The following CUX1 variants were observed in gnomAD, a reference collection of about 807,000 sequenced individuals.
The protein encoded by CUX1 is protein CASP.
In CUX1, 31 loss-of-function variants were observed where a neutral mutation model predicts 158.8. The observed-to-expected ratio is 0.20, with a 90% CI of 0.15 to 0.26. The LOEUF is 0.26. CUX1 is among the 10% of genes least tolerant of loss of function. The pLI, the probability that CUX1 is intolerant of heterozygous loss-of-function variation, is 1.00. For missense variants in CUX1, 1,589 were observed against 2,014.6 expected (o/e 0.79, Z 4.04); for synonymous variants, 879 against 862.1 (o/e 1.02, Z -0.34).
Position 102,158,599 on chromosome 7 carries a change from G to A in CUX1, c.714G>A (p.Arg238=), listed in dbSNP as rs782026179. ...AAATGATCATGACGGACCTTGAAAG[G>A]GCAAACCAGGTAGGACCCTGGACGC... is the stretch of plus-strand genomic sequence containing the variant. ...EIEMIMTDLE[R]ANQRAEVAQR... is the part of the protein sequence containing the mutation. The change falls in exon 9 of 24, where the codon AGG becomes AGA. Residue 238 remains arginine, a synonymous_variant. Coordinates refer to ENST00000292535, the MANE Select transcript of CUX1 (RefSeq NM_181552.4). 8 of 1,613,806 alleles carry A rather than the reference G, an allele frequency of 5.0e-6. No individual in the cohort carries two copies. Among genetic ancestry groups the A allele is most frequent in the East Asian group, 2.2e-5 (1 of 44,872 alleles).
At position 102,255,624 on chromosome 7, in the gene CUX1, C is replaced by T. The variant is rs1554541762; in HGVS notation, c.*6582C>T. ...AATATGCTATATGCTATGTATCAAGCTTTCTGTAATCAGAAAGAAAAGGTG... is the reference window on the plus strand; with the variant it reads ...AATATGCTATATGCTATGTATCAAGTTTTCTGTAATCAGAAAGAAAAGGTG... On this transcript the variant is annotated 3_prime_UTR_variant, in exon 24 of 24. Coordinates refer to ENST00000292535, the MANE Select transcript of CUX1 (RefSeq NM_181552.4). 1 of 985,206 alleles carries T rather than the reference C, an allele frequency of 1.0e-6. No homozygotes were observed. The highest frequency in any genetic ancestry group is 1.2e-6 in the Non-Finnish European group (1 of 829,914). The allele number at this position is 985,206 out of a possible 1,614,324, so 61.0% of individuals were successfully genotyped here. A position where few individuals can be genotyped will look rare whatever the true frequency, so the allele number is the denominator to read the frequency against.
intron 1 of CUX1, among the ~76,000 whole-genome samples, chr7:101,878,520 G>A (rs545422287): frequency 2.6e-5 from 4 of 152,282 alleles, no homozygotes; most frequent in African/African-American, 7.2e-5. Context: ...TTACTGCGTC[G>A]CTGCTGGGGT....
intron 1 of CUX1, among the ~76,000 whole-genome samples, chr7:101,872,259 G>A (rs951422885): frequency 5.3e-5 from 8 of 151,890 alleles, no homozygotes; most frequent in East Asian, 3.9e-4. Context: ...GCAGTCTCCC[G>A]AGTAGCTGGG....
intron 1 of CUX1, among the ~76,000 whole-genome samples, chr7:101,893,752 C>A (rs1801166932): frequency 6.6e-6 from 1 of 152,162 alleles, no homozygotes; most frequent in African/African-American, 2.4e-5. Flanking sequence ...ATTGTCAGCA[C>A]TATGTAAATG....
chr7:102,237,196 G>T (rs1799662191), intron 22 of CUX1, among the ~76,000 whole-genome samples: 1 of 152,176 alleles, frequency 6.6e-6, no homozygotes, highest in South Asian at 2.1e-4. Context: ...TGACAAAATG[G>T]CAAGTTAATT....
rs111285206 is a variant in CUX1 at position 101,894,840 on chromosome 7, G to A, written c.31-21275G>A. 2.8e-3 allele frequency among the ~76,000 whole-genome samples: 426 copies of A among 152,148 alleles called. 4 individuals carry two copies. Among genetic ancestry groups the A allele is most frequent in the African/African-American group, 9.9e-3 (411 of 41,492 alleles). ...CTGAAAGATGTTTCTCAAAGTGAGC[G>A]CTGGAGAGGAGTACCTGGTTTGATT... On this transcript the variant is annotated intron_variant, in intron 1 of 23. Transcript: ENST00000292535.
chr7:102,042,033 T>A (rs1178268700), intron 3 of CUX1, among the ~76,000 whole-genome samples: 1 of 150,250 alleles, frequency 6.7e-6, no homozygotes, highest in Non-Finnish European at 1.5e-5. Context: ...GATGTGTGTG[T>A]GAGTGTGAGT....
At chr7:101,982,119 C>T (rs1813524434) in intron 2 of CUX1, among the ~76,000 whole-genome samples, 1 of 152,224 alleles carries the variant, frequency 6.6e-6, no homozygotes, top group Non-Finnish European at 1.5e-5. Flanking sequence ...TTTCCCTCTA[C>T]CTGCATTGCA....
chr7:102,045,453 T>C (rs1822645273), intron 3 of CUX1, among the ~76,000 whole-genome samples: 1 of 152,238 alleles, frequency 6.6e-6, no homozygotes, highest in Admixed American at 6.5e-5. Context: ...CCCCCTCCGA[T>C]GTGGGCTGGA....
intron 22 of CUX1, among the ~76,000 whole-genome samples, chr7:102,237,650 A>AGG (rs1268840840): frequency 1.3e-5 from 2 of 152,184 alleles, no homozygotes; most frequent in African/African-American, 4.8e-5. Flanking sequence ...CCCCAGGTGT[A>AGG]GGGACCAGCC....
At chr7:102,048,061 G>A (rs1216935883) in intron 3 of CUX1, among the ~76,000 whole-genome samples, 11 of 152,012 alleles carry the variant, frequency 7.2e-5, no homozygotes, top group East Asian at 3.9e-4. Context: ...AGCATTTTAC[G>A]TCTACAAAGC....
At chr7:101,876,810 A>G (rs964622018) in intron 1 of CUX1, among the ~76,000 whole-genome samples, 5 of 152,164 alleles carry the variant, frequency 3.3e-5, no homozygotes, top group African/African-American at 9.7e-5. Flanking sequence ...ATGATTTCTC[A>G]TATTTCATCA....
intron 18 of CUX1, 85 bp from the exon 19 acceptor site, chr7:102,204,306 C>A (rs1795736062): frequency 1.3e-6 from 2 of 1,540,960 alleles, no homozygotes; most frequent in Non-Finnish European, 1.8e-6. Flanking sequence ...GCGCCCTCTG[C>A]GTGGTGGGTG....
intron 1 of CUX1, among the ~76,000 whole-genome samples, chr7:101,900,644 G>A (rs1231316757): frequency 2.0e-5 from 3 of 152,132 alleles, no homozygotes; most frequent in Non-Finnish European, 4.4e-5. Context: ...TAAAATCCAG[G>A]CAGAAACATT....
rs1000824917 is a variant in CUX1, at chr7:102,131,009, C to A, written c.674+15736C>A. 2.0e-5 allele frequency among the ~76,000 whole-genome samples: 3 copies of A among 149,254 alleles called. No individual in the cohort carries two copies. In the South Asian group the frequency reaches 6.6e-4, roughly 33 times the overall value. ...ACTGAAAATACGAAAATTAGCCGGG[C>A]GTGGTGGTACACGCCTGTAGTCCCA... On this transcript the variant is annotated intron_variant, in intron 8 of 23. Transcript: ENST00000292535.
chr7:102,256,308 C>G lies in CUX1; in HGVS notation c.*7266C>G. On this transcript the variant is annotated 3_prime_UTR_variant, in exon 24 of 24. Transcript: ENST00000292535. ...TGAGGGTGATTATAAAAGGATGTTT[C>G]CTTGAGAAAAAAAAAATTATTTCTA... 2 of 985,142 alleles carry G rather than the reference C, an allele frequency of 2.0e-6. No individual in the cohort carries two copies. Among genetic ancestry groups the G allele is most frequent in the Non-Finnish European group, 2.4e-6 (2 of 829,840 alleles). 61.0% of individuals were successfully genotyped at this position (985,142 alleles called of 1,614,324 possible). A position where few individuals can be genotyped will look rare whatever the true frequency, so the allele number is the denominator to read the frequency against.
intron 2 of CUX1, among the ~76,000 whole-genome samples, chr7:101,936,321 C>T (rs892907966): frequency 6.6e-5 from 10 of 152,018 alleles, no homozygotes; most frequent in Non-Finnish European, 1.3e-4. Flanking sequence ...CAAGGGGGAG[C>T]CCCAAGCTTG....
At chr7:101,964,862 C>T (rs1311963803) in intron 2 of CUX1, among the ~76,000 whole-genome samples, 1 of 152,192 alleles carries the variant, frequency 6.6e-6, no homozygotes, top group East Asian at 1.9e-4. Flanking sequence ...CAATGAAATA[C>T]GAGGGCTTGT....
intron 2 of CUX1, among the ~76,000 whole-genome samples, chr7:102,026,410 T>G (rs527614037): frequency 6.6e-6 from 1 of 152,330 alleles, no homozygotes; most frequent in East Asian, 1.9e-4. Flanking sequence ...AAGAAGACTT[T>G]TTCATCTGGG....
Sources: allele counts gnomAD v4.1 joint callset (sites outside exome capture counted in the v4.1 genomes callset), GRCh38; gene constraint gnomAD v4.1.1; transcripts MANE v1.5; gene names NCBI Gene and HGNC (gene_info 2026-07-23, HGNC 2026-07-21).